Variants in SLC35F1 observed in about 807,000 individuals in gnomAD.
The protein encoded by SLC35F1 is solute carrier family 35 member F1.
Under a neutral mutation model 48.7 loss-of-function variants are expected in SLC35F1, and 14 were observed. The observed-to-expected ratio is 0.29, with a 90% CI of 0.19 to 0.45. The LOEUF (loss-of-function observed/expected upper bound fraction) is 0.45, where lower values mean the gene tolerates loss of function less well. Among genes scored for constraint, SLC35F1 ranks in the 20% least tolerant of loss-of-function variants. The pLI, the probability that SLC35F1 is intolerant of heterozygous loss-of-function variation, is 1.00. For synonymous variants in SLC35F1, 190 were observed against 202.2 expected (o/e 0.94, Z 0.51); for missense variants, 404 against 500.0 (o/e 0.81, Z 1.83).
intron 7 of SLC35F1, among the ~76,000 whole-genome samples, chr6:118,299,823 C>T (rs374222125): frequency 1.3e-5 from 2 of 152,264 alleles, no homozygotes; most frequent in East Asian, 1.9e-4. Context: ...ACAGACCCCA[C>T]GAATTCTATA....
intron 3 of SLC35F1, among the ~76,000 whole-genome samples, chr6:118,257,631 G>A (rs962253597): frequency 6.6e-5 from 10 of 152,172 alleles, no homozygotes. Flanking sequence ...AATCCAAGAA[G>A]AGAGGAAAAC....
intron 1 of SLC35F1, among the ~76,000 whole-genome samples, chr6:118,051,605 ATACT>A (rs1260709581): frequency 5.9e-5 from 9 of 152,188 alleles, no homozygotes; most frequent in Non-Finnish European, 8.8e-5. Context: ...AAAATAAATA[ATACT>A]TACTCCCTAG....
chr6:118,212,786 G>GGAAGGAAAGAGAGAGA (rs1775022910), intron 2 of SLC35F1, among the ~76,000 whole-genome samples: 1 of 137,012 alleles, frequency 7.3e-6, no homozygotes, highest in Non-Finnish European at 1.6e-5. Context: ...AAGGAAGGAA[G>GGAAGGAAAGAGAGAGA]GAAGGAAAGA....
chr6:118,063,371 C>G (rs1220677284), intron 1 of SLC35F1, among the ~76,000 whole-genome samples: 1 of 152,044 alleles, frequency 6.6e-6, no homozygotes, highest in Non-Finnish European at 1.5e-5. Context: ...AGACTCATCT[C>G]TGTGAATTTC....
chr6:118,234,616 G>A (rs768890334), intron 2 of SLC35F1, among the ~76,000 whole-genome samples: 31 of 152,170 alleles, frequency 2.0e-4, no homozygotes, highest in African/African-American at 1.7e-4. Flanking sequence ...CACAAAAACT[G>A]CGAGATAATC....
chr6:118,269,558 G>GA (rs113540508), intron 4 of SLC35F1, among the ~76,000 whole-genome samples: 6,046 of 150,184 alleles, frequency 0.04, 409 homozygotes, highest in African/African-American at 0.14. Context: ...TTTTTTTAAA[G>GA]AAAAAAAAAC....
chr6:118,137,679 A>G (rs2114434957), intron 1 of SLC35F1, among the ~76,000 whole-genome samples: 1 of 152,314 alleles, frequency 6.6e-6, no homozygotes, highest in African/African-American at 2.4e-5. Context: ...GCACACAGGA[A>G]TCTCCACAGG....
intron 1 of SLC35F1, among the ~76,000 whole-genome samples, chr6:117,914,185 TATAG>T (rs1775799928): frequency 6.6e-6 from 1 of 151,816 alleles, no homozygotes; most frequent in African/African-American, 2.4e-5. Flanking sequence ...TGTGTATATA[TATAG>T]AGAGAGTTTC....
At chr6:117,984,933 G>T (rs1291069563) in intron 1 of SLC35F1, among the ~76,000 whole-genome samples, 1 of 152,128 alleles carries the variant, frequency 6.6e-6, no homozygotes, top group Non-Finnish European at 1.5e-5. Context: ...TCTCTCATTG[G>T]CTAACAACTC....
At chr6:118,071,485 C>T (rs181539983) in intron 1 of SLC35F1, among the ~76,000 whole-genome samples, 31 of 152,156 alleles carry the variant, frequency 2.0e-4, no homozygotes, top group African/African-American at 7.0e-4. Flanking sequence ...TCTCTGGTCT[C>T]TGCTGCACAA....
At chr6:117,919,673 G>T (rs1775871701) in intron 1 of SLC35F1, among the ~76,000 whole-genome samples, 1 of 152,104 alleles carries the variant, frequency 6.6e-6, no homozygotes, top group African/African-American at 2.4e-5. Context: ...GTTCATGTTT[G>T]TTTATATATA....
At chr6:118,215,669 A>G (rs984348455) in intron 2 of SLC35F1, among the ~76,000 whole-genome samples, 1 of 152,230 alleles carries the variant, frequency 6.6e-6, no homozygotes, top group Non-Finnish European at 1.5e-5. Context: ...TAATACTTTT[A>G]TTAATGTAAA....
At chr6:118,271,108 G>GA (rs1775845907) in intron 4 of SLC35F1, among the ~76,000 whole-genome samples, 1 of 152,064 alleles carries the variant, frequency 6.6e-6, no homozygotes, top group Admixed American at 6.6e-5. Context: ...ACACAATCAA[G>GA]TAAAAATGAC....
At chr6:118,205,211 ATGGG>A (rs1256640930) in intron 2 of SLC35F1, among the ~76,000 whole-genome samples, 1 of 152,186 alleles carries the variant, frequency 6.6e-6, no homozygotes, top group East Asian at 1.9e-4. Context: ...GTGTTAGCTT[ATGGG>A]CAGATTCTAG....
intron 1 of SLC35F1, among the ~76,000 whole-genome samples, chr6:117,924,462 G>GTACATATATACATATGTATA (rs1228306457): frequency 1.1e-5 from 1 of 88,470 alleles, no homozygotes; most frequent in Non-Finnish European, 2.4e-5. Context: ...CTATATGTGT[G>GTACATATATACATATGTATA]TACATATATA....
At chr6:118,194,797 G>A (rs1303955834) in intron 2 of SLC35F1, among the ~76,000 whole-genome samples, 1 of 152,148 alleles carries the variant, frequency 6.6e-6, no homozygotes, top group East Asian at 1.9e-4. Context: ...TTGCTGGCAT[G>A]TCAGCTTTCT....
intron 5 of SLC35F1, 73 bp downstream of exon 5, chr6:118,275,688 G>A (rs937580841): frequency 1.8e-5 from 26 of 1,479,532 alleles, no homozygotes; most frequent in Non-Finnish European, 2.3e-5. Context: ...TTTGTTCTTG[G>A]GATGTAAAAA....
intron 6 of SLC35F1, among the ~76,000 whole-genome samples, chr6:118,282,256 G>A (rs533846652): frequency 3.3e-4 from 50 of 152,274 alleles, no homozygotes; most frequent in African/African-American, 1.2e-3. Flanking sequence ...AGCCAAGGAA[G>A]GGCAACGATA....
At chr6:118,299,106 G>T (rs1776227005) in intron 7 of SLC35F1, among the ~76,000 whole-genome samples, 1 of 152,088 alleles carries the variant, frequency 6.6e-6, no homozygotes, top group Non-Finnish European at 1.5e-5. Flanking sequence ...ACTACAGCCT[G>T]GGGGGTCGAG....
Sources: allele counts gnomAD v4.1 joint callset (sites outside exome capture counted in the v4.1 genomes callset), GRCh38; gene constraint gnomAD v4.1.1; transcripts MANE v1.5; gene names NCBI Gene and HGNC (gene_info 2026-07-23, HGNC 2026-07-21).